GSTO2: variants seen among roughly 807,000 people sequenced by gnomAD.
GSTO2 encodes the protein glutathione S-transferase omega-2.
Under a neutral mutation model 28.4 loss-of-function variants are expected in GSTO2, and 23 were observed. The ratio of observed to expected loss-of-function variants is 0.81; its 90% confidence interval spans 0.58 to 1.15. GSTO2 has a LOEUF of 1.15. GSTO2 is among the 50% of genes most tolerant of loss of function. The pLI is 0.00. For synonymous variants in GSTO2, 109 were observed against 111.0 expected (o/e 0.98, Z 0.11); for missense variants, 298 against 297.8 (o/e 1.00, Z 0.00).
At position 104,304,384 on chromosome 10, in the gene GSTO2, C is replaced by T. The variant is rs1027286179; in HGVS notation, c.*5100C>T. On this transcript the variant is annotated 3_prime_UTR_variant, in exon 7 of 7. Coordinates refer to ENST00000338595, the MANE Select transcript of GSTO2 (RefSeq NM_183239.2). The stretch of plus-strand genomic sequence containing the variant: ...TTTTTCCAACCAGTCTTTTCTCTTG[C>T]AAAGTTCAGATCAAAATTCTTCTTT... 1.3e-5 allele frequency: 2 copies of T among 152,122 alleles called. No homozygotes were observed. Among genetic ancestry groups the T allele is most frequent in the African/African-American group, 4.8e-5 (2 of 41,416 alleles). 9.4% of individuals were successfully genotyped at this position (152,122 alleles called of 1,614,324 possible).
intron 5 of GSTO2, among the ~76,000 whole-genome samples, chr10:104,291,958 G>A (rs1159996684): frequency 6.6e-6 from 1 of 152,152 alleles, no homozygotes; most frequent in Non-Finnish European, 1.5e-5. Context: ...CAAACCTCTT[G>A]AACTCTTAAG....
chr10:104,277,976 G>T lies in GSTO2; in HGVS notation c.226G>T (p.Glu76Ter), dbSNP rs147953656. ...CCCTTTTGGCCACATTCCTGTCCTG[G>T]AGACCAGCCAATGTCAACTGATCTA... Reference protein sequence around the residue: ...KHPFGHIPVLETSQCQLIYES... With the variant: ...KHPFGHIPVL Residue 76 changes from glutamate to a stop codon, truncating the protein, a stop_gained, in exon 4 of 7, where the codon GAG becomes TAG. Coordinates refer to ENST00000338595, the MANE Select transcript of GSTO2 (RefSeq NM_183239.2). LOFTEE classifies it high-confidence loss of function. The T allele has an allele frequency of 7.1e-5, 114 of 1,613,852 alleles. No homozygotes were observed. The highest frequency in any genetic ancestry group is 8.7e-5 in the Non-Finnish European group (103 of 1,179,906).
rs2013325622 is a variant in GSTO2 at position 104,303,691 on chromosome 10, C to CA, written c.*4409dup. 6.6e-6 allele frequency: 1 copy of CA among 152,210 alleles called. No individual in the cohort carries two copies. Among genetic ancestry groups the CA allele is most frequent in the Non-Finnish European group, 1.5e-5 (1 of 68,038 alleles). The allele number at this position is 152,210 out of a possible 1,614,324, so 9.4% of individuals were successfully genotyped here. A position where few individuals can be genotyped will look rare whatever the true frequency, so the allele number is the denominator to read the frequency against. On this transcript the variant is annotated 3_prime_UTR_variant, in exon 7 of 7. Transcript: ENST00000338595. ...GAAATTTGCATAAGTAAAAAGGAGC[C>CA]AAGTGCTAATGGCCAAGAAAATGGG...
chr10:104,283,184 A>G (rs116949650), intron 5 of GSTO2, among the ~76,000 whole-genome samples: 3,276 of 152,324 alleles, frequency 0.022, 63 homozygotes, highest in Middle Eastern at 0.071. Context: ...CCCCAGGAAC[A>G]CTGTTGTTAA....
In GSTO2 at chr10:104,275,664, A is replaced by G. The variant is rs570137090; in HGVS notation, c.143+330A>G. Among the ~76,000 whole-genome samples, 14 of 152,252 alleles carry G rather than the reference A, an allele frequency of 9.2e-5. No individual in the cohort carries two copies. The South Asian group carries it at 2.7e-3, about 29-fold the overall frequency. The stretch of plus-strand genomic sequence containing the variant: ...CCTTACCTGACTGCTCCACAGAGGT[A>G]GTTCCCCCACCACACCCCAGGCATC... On this transcript the variant is annotated intron_variant, in intron 3 of 6. Coordinates refer to ENST00000338595, the MANE Select transcript of GSTO2 (RefSeq NM_183239.2).
At chr10:104,279,835 ACT>A (rs1200901619) in intron 5 of GSTO2, among the ~76,000 whole-genome samples, 2 of 151,896 alleles carry the variant, frequency 1.3e-5, no homozygotes, top group Non-Finnish European at 2.9e-5. Context: ...GTAAGGGTTT[ACT>A]CTCTCACATA....
Position 104,286,696 on chromosome 10 carries a change from TG to T in GSTO2, c.468+7228del, listed in dbSNP as rs2012450785. Among the ~76,000 whole-genome samples, 9 of 152,350 alleles carry T rather than the reference TG, an allele frequency of 5.9e-5. No homozygotes were observed. The South Asian group carries it at 1.9e-3, about 32-fold the overall frequency. ...TAAGTGTATTAGTGCTGTTGCTAGT[TG>T]GGTTACTTCCTTCATCATCCAATTC... is the stretch of plus-strand genomic sequence containing the variant. On this transcript the variant is annotated intron_variant, in intron 5 of 6. Transcript: ENST00000338595.
intron 5 of GSTO2, among the ~76,000 whole-genome samples, chr10:104,281,759 G>A (rs2012058267): frequency 1.3e-5 from 2 of 152,124 alleles, no homozygotes; most frequent in African/African-American, 4.8e-5. Context: ...AAAGACCCTC[G>A]AGGGGCTCAA....
chr10:104,285,212 T>A (rs2012347165), intron 5 of GSTO2, among the ~76,000 whole-genome samples: 1 of 152,242 alleles, frequency 6.6e-6, no homozygotes. Flanking sequence ...CATCTGTAGT[T>A]AAATACTTTA....
chr10:104,277,805 TAA>T, intron 3 of GSTO2, 87 bp from the exon 4 acceptor site: 1 of 853,648 alleles, frequency 1.2e-6, no homozygotes, highest in South Asian at 1.5e-5. Context: ...TTTTAACTTT[TAA>T]ACTGATTGCT....
At chr10:104,287,798 T>C (rs1043832756) in intron 5 of GSTO2, among the ~76,000 whole-genome samples, 2 of 151,956 alleles carry the variant, frequency 1.3e-5, no homozygotes, top group Admixed American at 6.6e-5. Context: ...ATTTTGTCTT[T>C]TACATTATTT....
At chr10:104,288,172 G>A (rs2012560132) in intron 5 of GSTO2, among the ~76,000 whole-genome samples, 1 of 152,162 alleles carries the variant, frequency 6.6e-6, no homozygotes, top group Non-Finnish European at 1.5e-5. Flanking sequence ...TTACAGGCGT[G>A]AGCCACCTCA....
intron 1 of GSTO2, among the ~76,000 whole-genome samples, chr10:104,271,553 C>T (rs2011408574): frequency 6.6e-6 from 1 of 152,194 alleles, no homozygotes; most frequent in African/African-American, 2.4e-5. Flanking sequence ...TGCCTAAGTG[C>T]CAAAGCTGGG....
intron 4 of GSTO2, among the ~76,000 whole-genome samples, chr10:104,278,834 T>C (rs1175862625): frequency 2.6e-5 from 4 of 152,174 alleles, no homozygotes; most frequent in Admixed American, 6.5e-5. Context: ...ATGTGAAGAA[T>C]AGATAAATGG....
chr10:104,269,412 T>G (rs1051398889), intron 1 of GSTO2, 143 bp downstream of exon 1: 3 of 152,282 alleles, frequency 2.0e-5, no homozygotes, highest in African/African-American at 7.2e-5. Flanking sequence ...GAAATCCTAT[T>G]TAGCCTTGGC....
intron 5 of GSTO2, among the ~76,000 whole-genome samples, chr10:104,286,601 T>G (rs1025290018): frequency 6.6e-6 from 1 of 152,200 alleles, no homozygotes; most frequent in Non-Finnish European, 1.5e-5. Flanking sequence ...TTTACTAACA[T>G]GCCATTTTAG....
chr10:104,275,300 A>T lies in GSTO2; in HGVS notation c.109A>T (p.Arg37Trp). The T allele has an allele frequency of 6.2e-7, 1 of 1,614,034 alleles. No homozygotes were observed. Among genetic ancestry groups the T allele is most frequent in the Non-Finnish European group, 8.5e-7 (1 of 1,179,968 alleles). ...YSMRFCPYSH[R>W]TRLVLKAKDI... The stretch of plus-strand genomic sequence containing the variant: ...CATGAGGTTCTGCCCCTATTCTCAC[A>T]GGACCCGCCTCGTCCTCAAGGCCAA... Residue 37 changes from arginine to tryptophan, a missense_variant, in exon 3 of 7, where the codon AGG (arginine) becomes TGG (tryptophan). Coordinates refer to ENST00000338595, the MANE Select transcript of GSTO2 (RefSeq NM_183239.2).
At chr10:104,277,051 C>G (rs559560624) in intron 3 of GSTO2, among the ~76,000 whole-genome samples, 1 of 152,190 alleles carries the variant, frequency 6.6e-6, no homozygotes, top group African/African-American at 2.4e-5. Flanking sequence ...ATTATTAGCC[C>G]CATTTTATAA....
intron 5 of GSTO2, 46 bp downstream of exon 5, chr10:104,279,517 T>C: frequency 7.2e-7 from 1 of 1,387,880 alleles, no homozygotes. Context: ...TGGAGGAAGC[T>C]AGGCAGGGTC....
Sources: gnomAD v4.1 joint callset for allele counts (sites outside exome capture counted in the v4.1 genomes callset) on GRCh38, gnomAD v4.1.1 for gene constraint, MANE v1.5 for transcripts, NCBI Gene and HGNC (gene_info 2026-07-23, HGNC 2026-07-21) for gene names.